The following KDM2B variants were observed in gnomAD, a reference collection of about 807,000 sequenced individuals.
KDM2B encodes the protein lysine-specific demethylase 2B.
In KDM2B, 26 loss-of-function variants were observed where a neutral mutation model predicts 150.0. The ratio of observed to expected loss-of-function variants is 0.17; its 90% CI spans 0.13 to 0.24. The LOEUF (loss-of-function observed/expected upper bound fraction) is 0.24, where lower values mean the gene tolerates loss of function less well. KDM2B is among the 10% of genes least tolerant of loss of function. The pLI is 1.00. For synonymous variants in KDM2B, 734 were observed against 729.5 expected, an observed-to-expected ratio of 1.01 and a Z score of -0.10; for missense variants, 1,265 against 1,816.9, an observed-to-expected ratio of 0.70 and a Z score of 5.52.
At chr12:121,576,330 T>C (rs1469598806) in intron 2 of KDM2B, among the ~76,000 whole-genome samples, 2 of 152,186 alleles carry the variant, frequency 1.3e-5, no homozygotes, top group Non-Finnish European at 2.9e-5. Context: ...GCCCTCATTG[T>C]AGCTGAGCAT....
Position 121,523,899 on chromosome 12 carries a change from C to T in KDM2B, c.932-2799G>A, listed in dbSNP as rs562119197. Reference sequence around the variant, plus strand: ...TTCCCATCCCACGACCTTCACCCTCCTCTGCACAGAAGCATGGCTGCCGCC... The same window carrying T: ...TTCCCATCCCACGACCTTCACCCTCTTCTGCACAGAAGCATGGCTGCCGCC... On this transcript the variant is annotated intron_variant, in intron 8 of 22. Transcript: ENST00000377071. Among the ~76,000 whole-genome samples, 13 of 152,358 alleles carry T rather than the reference C, an allele frequency of 8.5e-5. No homozygotes were observed. In the East Asian group the frequency reaches 1.7e-3, roughly 20 times the overall value.
intron 11 of KDM2B, among the ~76,000 whole-genome samples, chr12:121,499,520 G>A (rs1042074499): frequency 6.6e-6 from 1 of 151,968 alleles, no homozygotes. Flanking sequence ...GCATGGTGGT[G>A]TGCACCTGTA....
intron 11 of KDM2B, among the ~76,000 whole-genome samples, chr12:121,506,441 C>T (rs563557570): frequency 1.6e-4 from 24 of 152,250 alleles, no homozygotes; most frequent in Admixed American, 4.6e-4. Context: ...ACACTAGCAG[C>T]GGTCCCAATT....
At chr12:121,501,033 G>A (rs761385076) in intron 11 of KDM2B, among the ~76,000 whole-genome samples, 2 of 151,932 alleles carry the variant, frequency 1.3e-5, no homozygotes, top group Non-Finnish European at 2.9e-5. Flanking sequence ...CCCAGGAGGC[G>A]GGGGTTGTGG....
At chr12:121,464,781 G>C (rs1315527026) in intron 12 of KDM2B, among the ~76,000 whole-genome samples, 3 of 152,238 alleles carry the variant, frequency 2.0e-5, no homozygotes, top group Non-Finnish European at 4.4e-5. Context: ...AACCCATTCA[G>C]CAGGGTGGGA....
At chr12:121,551,084 C>G (rs1889452740) in intron 4 of KDM2B, among the ~76,000 whole-genome samples, 1 of 152,138 alleles carries the variant, frequency 6.6e-6, no homozygotes, top group Non-Finnish European at 1.5e-5. Context: ...AGAAAGTTTG[C>G]TGGCCCTTGA....
intron 4 of KDM2B, among the ~76,000 whole-genome samples, chr12:121,558,710 C>T (rs1370909974): frequency 2.6e-5 from 4 of 152,174 alleles, no homozygotes; most frequent in Non-Finnish European, 5.9e-5. Context: ...CCGCCTCGGC[C>T]TCCCAAAGTG....
intron 13 of KDM2B, among the ~76,000 whole-genome samples, chr12:121,447,163 G>A (rs1479738952): frequency 1.3e-5 from 2 of 152,032 alleles, no homozygotes; most frequent in Non-Finnish European, 2.9e-5. Context: ...TCTGTGTGAG[G>A]CAAAATTTTC....
At chr12:121,500,571 C>G (rs1198736957) in intron 11 of KDM2B, among the ~76,000 whole-genome samples, 3 of 152,198 alleles carry the variant, frequency 2.0e-5, no homozygotes, top group Non-Finnish European at 4.4e-5. Flanking sequence ...AAAAATATCC[C>G]ACTGTGAAAA....
chr12:121,534,595 A>G lies in KDM2B; in HGVS notation c.684-5T>C. 6.2e-7 allele frequency: 1 copy of G among 1,605,722 alleles called. No individual in the cohort carries two copies. On this transcript the variant is annotated splice_region_variant and splice_polypyrimidine_tract_variant and intron_variant, in intron 6 of 22. Coordinates refer to ENST00000377071, the MANE Select transcript of KDM2B (RefSeq NM_032590.5). ...TTCACGCTCATCAGACAGTACCTGC[A>G]ACACAGAGGCAGGGAGACAGAACAC...
intron 10 of KDM2B, 48 bp from the exon 11 acceptor site, chr12:121,510,087 T>C (rs2140892033): frequency 6.8e-7 from 1 of 1,472,862 alleles, no homozygotes; most frequent in East Asian, 2.3e-5. Context: ...CCTAACTCCC[T>C]GCCAAGGTCT....
At chr12:121,579,943 CAA>C (rs61355823) in intron 1 of KDM2B, 26,713 of 1,054,454 alleles carry the variant, frequency 0.025, no homozygotes, top group Admixed American at 0.034. Context: ...GAGAAACAAC[CAA>C]AAAAAAAAAA....
At chr12:121,474,091 G>A (rs1555296334) in intron 12 of KDM2B, among the ~76,000 whole-genome samples, 1 of 152,214 alleles carries the variant, frequency 6.6e-6, no homozygotes, top group Non-Finnish European at 1.5e-5. Context: ...GGGGAGCAGG[G>A]AGTGACAGCT....
intron 4 of KDM2B, among the ~76,000 whole-genome samples, chr12:121,556,963 T>C (rs1555312842): frequency 6.6e-6 from 1 of 151,838 alleles, no homozygotes; most frequent in Non-Finnish European, 1.5e-5. Flanking sequence ...GGTTGTAGGA[T>C]TAGCTAAGAT....
the KDM2B span, among the ~76,000 whole-genome samples, chr12:121,413,112 G>A: frequency 0.19 from 28,844 of 151,564 alleles, 4,201 homozygotes; most frequent in African/African-American, 0.41. Context: ...TGCAACCTCC[G>A]CCTCCCCGGT....
At chr12:121,527,152 A>G (rs1438431505) in intron 8 of KDM2B, among the ~76,000 whole-genome samples, 1 of 150,364 alleles carries the variant, frequency 6.7e-6, no homozygotes, top group Non-Finnish European at 1.5e-5. Flanking sequence ...GGTTCACACC[A>G]TTCTCTGGCC....
At chr12:121,410,483 G>A in the KDM2B span, among the ~76,000 whole-genome samples, 3 of 151,070 alleles carry the variant, frequency 2.0e-5, no homozygotes, top group Non-Finnish European at 2.9e-5. Flanking sequence ...GTTGCAGTGA[G>A]CCGAGATTGC....
Position 121,442,441 on chromosome 12 carries a change from C to A in KDM2B, c.3000G>T (p.Gly1000=). 6.3e-7 allele frequency: 1 copy of A among 1,599,936 alleles called. No homozygotes were observed. ...ICERPHRFSK[G]LNGTPRELRH... is the part of the protein sequence containing the mutation. ...GCAGCTCCCGGGGGGTGCCGTTGAG[C>A]CCCTTGCTGAAGCGGTGGGGACGCT... The change falls in exon 19 of 23, where the codon GGG becomes GGT. Residue 1000 remains glycine (G), a synonymous_variant. Transcript: ENST00000377071. This position sits in a 1 kb window ranked among gnomAD's most constrained non-coding sequence, Gnocchi z 7.7.
At chr12:121,423,016 T>C in the KDM2B span, among the ~76,000 whole-genome samples, 1 of 152,182 alleles carries the variant, frequency 6.6e-6, no homozygotes, top group Admixed American at 6.5e-5. This position sits in a 1 kb window ranked among gnomAD's most constrained non-coding sequence, Gnocchi z 4.3. Context: ...TCCAATAGCA[T>C]CCTGACTCCA....
Sources: gnomAD v4.1 joint callset for allele counts (sites outside exome capture counted in the v4.1 genomes callset) on GRCh38, gnomAD v4.1.1 for gene constraint, Gnocchi (gnomAD v3.1) non-coding constraint, MANE v1.5 for transcripts, NCBI Gene and HGNC (gene_info 2026-07-23, HGNC 2026-07-21) for gene names.